Variants in PDE4D observed in about 807,000 individuals in gnomAD.
PDE4D encodes phosphodiesterase 4D, also known as 3',5'-cyclic-AMP phosphodiesterase 4D.
PDE4D carries 24 observed loss-of-function variants against 87.4 expected under a neutral mutation model. The observed-to-expected ratio is 0.27, with a 90% CI of 0.20 to 0.39. PDE4D has a LOEUF of 0.39. Ranked by LOEUF, PDE4D falls within the 10% of genes least tolerant of loss-of-function variation. The pLI is 1.00. For missense variants in PDE4D, 714 were observed against 1,041.0 expected (o/e 0.69, Z 4.32); for synonymous variants, 384 against 383.2 (o/e 1.00, Z -0.02).
intron 2 of PDE4D, among the ~76,000 whole-genome samples, chr5:60,174,003 A>T (rs1272826968): frequency 1.3e-5 from 2 of 152,146 alleles, no homozygotes; most frequent in Non-Finnish European, 2.9e-5. Context: ...TATAATAGAA[A>T]ATATTTAGGA....
chr5:60,251,676 A>G (rs1418550387), intron 1 of PDE4D, among the ~76,000 whole-genome samples: 1 of 151,882 alleles, frequency 6.6e-6, no homozygotes, highest in Admixed American at 6.6e-5. Context: ...TGAACATATG[A>G]CTACCTGTGT....
intron 1 of PDE4D, among the ~76,000 whole-genome samples, chr5:59,362,528 A>G (rs1308800127): frequency 6.6e-6 from 1 of 152,166 alleles, no homozygotes; most frequent in African/African-American, 2.4e-5. Flanking sequence ...TTAGGTGGCA[A>G]GAAATTTTAC....
chr5:59,709,334 A>G (rs1392192607), intron 1 of PDE4D, among the ~76,000 whole-genome samples: 1 of 152,314 alleles, frequency 6.6e-6, no homozygotes, highest in African/African-American at 2.4e-5. Context: ...AAGTCTCTGC[A>G]GTTATTTCAC....
At chr5:59,761,290 G>GA (rs112505113) in intron 1 of PDE4D, among the ~76,000 whole-genome samples, 7,998 of 152,188 alleles carry the variant, frequency 0.053, 738 homozygotes, top group African/African-American at 0.18. Flanking sequence ...GAGTCAATGT[G>GA]AAGGCCTGGG....
chr5:59,771,467 A>G (rs1364198823), intron 1 of PDE4D, among the ~76,000 whole-genome samples: 895 of 72,564 alleles, frequency 0.012, 6 homozygotes, highest in African/African-American at 0.03. Flanking sequence ...GAAAGAAAGA[A>G]AGAAAGAAAG....
At chr5:60,041,037 T>A (rs1042470934) in intron 2 of PDE4D, among the ~76,000 whole-genome samples, 1 of 152,202 alleles carries the variant, frequency 6.6e-6, no homozygotes, top group Non-Finnish European at 1.5e-5. Context: ...TGATTCATAT[T>A]AGTAACTTCA....
At chr5:59,994,267 T>C (rs942631051) in intron 2 of PDE4D, among the ~76,000 whole-genome samples, 1 of 151,664 alleles carries the variant, frequency 6.6e-6, no homozygotes, top group Non-Finnish European at 1.5e-5. Flanking sequence ...AGAAATAAAA[T>C]TTCTATAAGA....
intron 1 of PDE4D, among the ~76,000 whole-genome samples, chr5:59,516,151 C>T (rs762861990): frequency 2.6e-5 from 4 of 152,082 alleles, no homozygotes; most frequent in Non-Finnish European, 4.4e-5. Context: ...GACCTCTAAA[C>T]CAGCCCAATA....
chr5:60,216,195 G>A (rs1050272531), intron 1 of PDE4D, among the ~76,000 whole-genome samples: 7 of 152,094 alleles, frequency 4.6e-5, no homozygotes, highest in Non-Finnish European at 7.4e-5. Flanking sequence ...CCCCATGAAA[G>A]TGACTTCCAA....
chr5:59,949,445 A>G (rs1223773951), intron 3 of PDE4D, among the ~76,000 whole-genome samples: 1 of 151,852 alleles, frequency 6.6e-6, no homozygotes, highest in Non-Finnish European at 1.5e-5. Context: ...AAAAAAAAAA[A>G]AAAAAAAAAA....
In PDE4D at chr5:59,570,415, G is replaced by T. The variant is rs148439424; in HGVS notation, c.455+322753C>A. 3.4e-4 allele frequency among the ~76,000 whole-genome samples: 52 copies of T among 152,152 alleles called. No homozygotes were observed. In the East Asian group the frequency reaches 9.8e-3, roughly 29 times the overall value. ...TTCAAGGACACATTCGGGTGCCAAA[G>T]AATACAGTTTTCTAATTTTTACAGG... On this transcript the variant is annotated intron_variant, in intron 1 of 14. Transcript: ENST00000340635.
chr5:60,272,200 G>A (rs1750883692), intron 1 of PDE4D, among the ~76,000 whole-genome samples: 1 of 152,234 alleles, frequency 6.6e-6, no homozygotes, highest in Non-Finnish European at 1.5e-5. Flanking sequence ...GATTGCTAAA[G>A]AGGATGACCC....
intron 2 of PDE4D, among the ~76,000 whole-genome samples, chr5:60,077,642 A>C (rs1372295274): frequency 6.6e-6 from 1 of 152,152 alleles, no homozygotes; most frequent in Non-Finnish European, 1.5e-5. Context: ...CTAGGGCTAC[A>C]GTCTCCTATG....
intron 1 of PDE4D, among the ~76,000 whole-genome samples, chr5:60,272,218 C>T (rs1385368446): frequency 1.3e-5 from 2 of 152,212 alleles, no homozygotes; most frequent in East Asian, 3.9e-4. Flanking sequence ...CCCCATACAA[C>T]ACAAATCAGG....
At position 59,574,007 on chromosome 5, in the gene PDE4D, T is replaced by TA. The variant is rs1263741196; in HGVS notation, c.455+319160dup. On this transcript the variant is annotated intron_variant, in intron 1 of 14. Transcript: ENST00000340635. ...AGGGAGACTCTGTCTCAAAAAAAAA[T>TA]ATATATATATATATATATATAAAAA... Among the ~76,000 whole-genome samples, 31 of 104,478 alleles carry TA rather than the reference T, an allele frequency of 3.0e-4. 2 individuals carry two copies. In the East Asian group the frequency reaches 7.7e-3, roughly 26 times the overall value. 68.5% of individuals were successfully genotyped at this position (104,478 alleles called of 152,430 possible). A position where few individuals can be genotyped will look rare whatever the true frequency, so the allele number is the denominator to read the frequency against.
intron 5 of PDE4D, among the ~76,000 whole-genome samples, chr5:59,098,346 G>A (rs1280311463): frequency 6.6e-6 from 1 of 152,110 alleles, no homozygotes; most frequent in East Asian, 1.9e-4. Context: ...TAGTTAGAAA[G>A]TGAATTAGGC....
chr5:59,193,235 G>A (rs1744718773), intron 3 of PDE4D, among the ~76,000 whole-genome samples: 1 of 152,158 alleles, frequency 6.6e-6, no homozygotes, highest in Non-Finnish European at 1.5e-5. Context: ...GCTTATGTCA[G>A]TATGAGCCCA....
At chr5:59,766,218 T>C (rs1285564901) in intron 1 of PDE4D, among the ~76,000 whole-genome samples, 1 of 152,226 alleles carries the variant, frequency 6.6e-6, no homozygotes, top group Non-Finnish European at 1.5e-5. Flanking sequence ...AAACTTGAGA[T>C]ACTCTTTCCA....
intron 1 of PDE4D, among the ~76,000 whole-genome samples, chr5:59,693,447 CT>C (rs1486204638): frequency 6.6e-6 from 1 of 152,108 alleles, no homozygotes; most frequent in Non-Finnish European, 1.5e-5. Flanking sequence ...AGAAGGAAGG[CT>C]GATAAAGTTT....
Sources: gnomAD v4.1 joint callset for allele counts (sites outside exome capture counted in the v4.1 genomes callset) on GRCh38, gnomAD v4.1.1 for gene constraint, MANE v1.5 for transcripts, NCBI Gene and HGNC (gene_info 2026-07-23, HGNC 2026-07-21) for gene names.